The following TF variants were observed in gnomAD, a reference collection of about 807,000 sequenced individuals.
TF encodes the protein serotransferrin.
In TF, 55 loss-of-function variants were observed where a neutral mutation model predicts 82.4. The ratio of observed to expected loss-of-function variants is 0.67; its 90% CI spans 0.54 to 0.84. The LOEUF (loss-of-function observed/expected upper bound fraction) is 0.84, where lower values mean the gene tolerates loss of function less well. TF is among the 40% of genes least tolerant of loss of function. The pLI, the probability that TF is intolerant of heterozygous loss-of-function variation, is 0.00. For synonymous variants in TF, 332 were observed against 332.6 expected (o/e 1.00, Z 0.02); for missense variants, 737 against 868.4 (o/e 0.85, Z 1.90).
chr3:133,684,546 C>A, the TF span, among the ~76,000 whole-genome samples: 2 of 152,142 alleles, frequency 1.3e-5, no homozygotes, highest in African/African-American at 2.4e-5. Context: ...CACAGAAATA[C>A]AAACTACCAT....
chr3:133,755,092 G>A (rs1276372453), intron 4 of TF, among the ~76,000 whole-genome samples: 1 of 152,252 alleles, frequency 6.6e-6, no homozygotes, highest in Non-Finnish European at 1.5e-5. Flanking sequence ...TGACAAAGCA[G>A]GGAGAAGGTG....
chr3:133,748,803 A>G (rs1216668288), intron 2 of TF: 4 of 584,016 alleles, frequency 6.8e-6, no homozygotes, highest in Non-Finnish European at 1.2e-5. Context: ...TTCCAGACAC[A>G]GTAGACGCAA....
In TF at chr3:133,777,067, G is replaced by A. The variant is rs554041786; in HGVS notation, c.1891G>A (p.Val631Ile). The change falls in exon 16 of 17, where the codon GTA (valine) becomes ATA (isoleucine). Residue 631 changes from valine (V) to isoleucine (I), a missense_variant. Val to Ile is a conservative substitution (Grantham distance 29, BLOSUM62 3). Coordinates refer to ENST00000402696, the MANE Select transcript of TF (RefSeq NM_001063.4). ...RQQQHLFGSNVTDCSGNFCLF... is the reference protein window; with the variant it reads ...RQQQHLFGSNITDCSGNFCLF... ...TTGACAGCACCTATTTGGAAGCAAC[G>A]TAACTGACTGCTCGGGCAACTTTTG... The A allele has an allele frequency of 3.1e-5, 50 of 1,614,166 alleles. No homozygotes were observed. The highest frequency in any genetic ancestry group is 1.6e-4 in the Middle Eastern group (1 of 6,062).
the TF span, among the ~76,000 whole-genome samples, chr3:133,708,772 T>G: frequency 3.1e-5 from 1 of 32,768 alleles, no homozygotes; most frequent in South Asian, 1.0e-3. Flanking sequence ...ATGTATAGGT[T>G]TTTTTTTTTT....
At chr3:133,672,576 A>G in the TF span, among the ~76,000 whole-genome samples, 2 of 152,074 alleles carry the variant, frequency 1.3e-5, no homozygotes, top group African/African-American at 2.4e-5. Context: ...AAATCAATTA[A>G]AGGAGTCCAG....
chr3:133,723,802 C>T, the TF span, among the ~76,000 whole-genome samples: 1 of 151,724 alleles, frequency 6.6e-6, no homozygotes, highest in Non-Finnish European at 1.5e-5. Context: ...TGCTATCCCT[C>T]CCCCTTCCCC....
the TF span, among the ~76,000 whole-genome samples, chr3:133,717,425 G>T: frequency 6.6e-6 from 1 of 152,186 alleles, no homozygotes; most frequent in Admixed American, 6.5e-5. Flanking sequence ...TCTCCCGTCT[G>T]CTTGTCTTTC....
rs1329757037 is a variant in TF at position 133,754,607 on chromosome 3, G to T, written c.438G>T (p.Gly146=). Residue 146 remains glycine (G), a synonymous_variant, in exon 4 of 17, where the codon GGG becomes GGT. Transcript: ENST00000402696. ...SCHTGLGRSA[G]WNIPIGLLYC... is the part of the protein sequence containing the mutation. ...ACACGGGTCTAGGCAGGTCCGCTGG[G>T]TGGAACATCCCCATAGGCTTACTTT... is the stretch of plus-strand genomic sequence containing the variant. The T allele has an allele frequency of 6.8e-6, 11 of 1,614,126 alleles. No homozygotes were observed. Among genetic ancestry groups the T allele is most frequent in the South Asian group, 1.1e-5 (1 of 91,088 alleles).
At chr3:133,713,854 C>A in the TF span, among the ~76,000 whole-genome samples, 1 of 151,984 alleles carries the variant, frequency 6.6e-6, no homozygotes, top group African/African-American at 2.4e-5. Context: ...TGGGGGGTAC[C>A]AAGTCCTGTC....
At chr3:133,688,278 A>T in the TF span, 3 of 152,948 alleles carry the variant, frequency 2.0e-5, no homozygotes, top group Admixed American at 1.3e-4. Flanking sequence ...TTTCCGAGAC[A>T]ATATGAAAAA....
In TF at chr3:133,793,118, A is replaced by G. The variant is rs1934881458; in HGVS notation, c.*14498A>G. On this transcript the variant is annotated 3_prime_UTR_variant, in exon 17 of 17. Coordinates refer to ENST00000402696, the MANE Select transcript of TF (RefSeq NM_001063.4). Reference sequence around the variant, plus strand: ...TTGAACAAGATTTTCATGCAGTATTAAAAGATAATGAAAGATCTTTGTTTG... The same window carrying G: ...TTGAACAAGATTTTCATGCAGTATTGAAAGATAATGAAAGATCTTTGTTTG... 1 of 152,192 alleles carries G rather than the reference A, an allele frequency of 6.6e-6. No homozygotes were observed. Among genetic ancestry groups the G allele is most frequent in the Non-Finnish European group, 1.5e-5 (1 of 68,008 alleles). The allele number at this position is 152,192 out of a possible 1,614,324, so 9.4% of individuals were successfully genotyped here.
chr3:133,715,649 C>T, the TF span, among the ~76,000 whole-genome samples: 1 of 152,306 alleles, frequency 6.6e-6, no homozygotes, highest in African/African-American at 2.4e-5. Flanking sequence ...TTTGCTAACT[C>T]ATATTTCTCC....
At position 133,786,668 on chromosome 3, in the gene TF, G is replaced by A. The variant is rs138953435; in HGVS notation, c.*8048G>A. The A allele has an allele frequency of 3.7e-4, 56 of 152,310 alleles. No homozygotes were observed. The highest frequency in any genetic ancestry group is 1.3e-3 in the African/African-American group (54 of 41,566). The allele number at this position is 152,310 out of a possible 1,614,324, so 9.4% of individuals were successfully genotyped here. A position where few individuals can be genotyped will look rare whatever the true frequency, so the allele number is the denominator to read the frequency against. ...GTACATTTCGTTTTAAGATTCCCAG[G>A]AAAGACAGTCTTCTGAAAATTTGAG... On this transcript the variant is annotated 3_prime_UTR_variant, in exon 17 of 17. Coordinates refer to ENST00000402696, the MANE Select transcript of TF (RefSeq NM_001063.4).
In TF at chr3:133,757,912, T is replaced by C. The variant is rs1298034433; in HGVS notation, c.1014T>C (p.Tyr338=). The C allele has an allele frequency of 2.5e-6, 4 of 1,614,204 alleles. No individual in the cohort carries two copies. Among genetic ancestry groups the C allele is most frequent in the Non-Finnish European group, 3.4e-6 (4 of 1,180,032 alleles). Residue 338 remains tyrosine, a synonymous_variant, in exon 8 of 17, where the codon TAT becomes TAC. Coordinates refer to ENST00000402696, the MANE Select transcript of TF (RefSeq NM_001063.4). ...MDAKMYLGYE[Y]VTAIRNLREG... is the part of the protein sequence containing the mutation. ...CCAAGATGTACCTGGGCTATGAGTA[T>C]GTCACTGCCATCCGGAATCTACGGG...
At chr3:133,754,744 C>G in intron 4 of TF, 73 bp downstream of exon 4, 1 of 1,490,292 alleles carries the variant, frequency 6.7e-7, no homozygotes, top group African/African-American at 1.4e-5. Context: ...CTGCACTAGA[C>G]AGTCACCATC....
At chr3:133,689,134 T>C in the TF span, among the ~76,000 whole-genome samples, 1 of 152,120 alleles carries the variant, frequency 6.6e-6, no homozygotes, top group African/African-American at 2.4e-5. Flanking sequence ...AAGACCAGCC[T>C]GTCCAACATG....
chr3:133,738,666 A>G, the TF span, among the ~76,000 whole-genome samples: 2 of 152,200 alleles, frequency 1.3e-5, no homozygotes, highest in African/African-American at 4.8e-5. Context: ...CTATACACCA[A>G]TAACAGACAA....
At chr3:133,716,756 AG>A in the TF span, among the ~76,000 whole-genome samples, 1 of 152,168 alleles carries the variant, frequency 6.6e-6, no homozygotes, top group African/African-American at 2.4e-5. Flanking sequence ...TCGGAGTAAA[AG>A]TTAAGGTGCC....
At chr3:133,708,569 A>C in the TF span, among the ~76,000 whole-genome samples, 1 of 151,880 alleles carries the variant, frequency 6.6e-6, no homozygotes, top group Non-Finnish European at 1.5e-5. Flanking sequence ...GTAGCTCTAA[A>C]ATATATTTTC....
Sources: allele counts gnomAD v4.1 joint callset (sites outside exome capture counted in the v4.1 genomes callset), GRCh38; gene constraint gnomAD v4.1.1; transcripts MANE v1.5; gene names NCBI Gene and HGNC (gene_info 2026-07-23, HGNC 2026-07-21).